Variants in SDK1 observed in about 807,000 individuals in gnomAD.
SDK1 encodes sidekick cell adhesion molecule 1.
Under a neutral mutation model 245.5 loss-of-function variants are expected in SDK1, and 157 were observed. That is an observed-to-expected ratio of 0.64 (90% CI 0.56 to 0.73). SDK1 has a LOEUF of 0.73. Ranked by LOEUF, SDK1 falls within the 30% of genes least tolerant of loss-of-function variation. SDK1 has a pLI of 0.00. For synonymous variants in SDK1, 1,647 were observed against 1,278.5 expected (o/e 1.29, Z -6.15); for missense variants, 3,583 against 3,002.3 (o/e 1.19, Z -4.52).
chr7:3,969,005 G>A (rs1257672861), intron 10 of SDK1, among the ~76,000 whole-genome samples: 1 of 152,126 alleles, frequency 6.6e-6, no homozygotes, highest in Non-Finnish European at 1.5e-5. Flanking sequence ...AGGGGGAAGT[G>A]CCAAACAGTT....
intron 25 of SDK1, among the ~76,000 whole-genome samples, chr7:4,116,465 A>C (rs1783717831): frequency 6.6e-6 from 1 of 152,118 alleles, no homozygotes; most frequent in African/African-American, 2.4e-5. Flanking sequence ...AGGGCCTGGG[A>C]AGCTCTGGAT....
Position 4,265,636 on chromosome 7 carries a change from A to G in SDK1, c.*252A>G. The G allele has an allele frequency of 3.9e-6, 5 of 1,293,534 alleles. No individual in the cohort carries two copies. Among genetic ancestry groups the G allele is most frequent in the Non-Finnish European group, 4.9e-6 (5 of 1,026,926 alleles). 80.1% of individuals were successfully genotyped at this position (1,293,534 alleles called of 1,614,324 possible). ...TTCTTTTTAAGAGAAGGTGTATTTCACTGGTGCAATGGCTTGGCACCTCCG... is the reference window on the plus strand; with the variant it reads ...TTCTTTTTAAGAGAAGGTGTATTTCGCTGGTGCAATGGCTTGGCACCTCCG... On this transcript the variant is annotated 3_prime_UTR_variant, in exon 45 of 45. Coordinates refer to ENST00000404826, the MANE Select transcript of SDK1 (RefSeq NM_152744.4).
rs537825197 is a variant in SDK1 at position 3,332,317 on chromosome 7, AG to A, written c.298+30436del. 2.7e-3 allele frequency among the ~76,000 whole-genome samples: 406 copies of A among 152,300 alleles called. 1 individual carries two copies. Among genetic ancestry groups the A allele is most frequent in the African/African-American group, 9.0e-3 (375 of 41,564 alleles). ...TAAAGTTGTGCAAATTAATCCTAGC[AG>A]GGCTCCATCCTTTAATGTCAGTGCC... On this transcript the variant is annotated intron_variant, in intron 1 of 44. Coordinates refer to ENST00000404826, the MANE Select transcript of SDK1 (RefSeq NM_152744.4).
intron 1 of SDK1, among the ~76,000 whole-genome samples, chr7:3,438,769 C>G (rs1180454600): frequency 6.6e-6 from 1 of 152,016 alleles, no homozygotes; most frequent in African/African-American, 2.4e-5. Flanking sequence ...AACAACTCAT[C>G]TGTCTTTATC....
intron 1 of SDK1, among the ~76,000 whole-genome samples, chr7:3,508,614 C>A (rs1326377043): frequency 6.6e-6 from 1 of 152,142 alleles, no homozygotes; most frequent in African/African-American, 2.4e-5. Context: ...AGGTGTGAGC[C>A]ACCCCGCCCA....
intron 2 of SDK1, among the ~76,000 whole-genome samples, chr7:3,636,159 A>G (rs947315579): frequency 1.5e-4 from 23 of 152,352 alleles, no homozygotes; most frequent in African/African-American, 5.3e-4. Flanking sequence ...TATATGTGGC[A>G]TAAATCTCTC....
At position 3,644,773 on chromosome 7, in the gene SDK1, C is replaced by CAAAAAAA. The variant is rs34276127; in HGVS notation, c.713+2681_713+2687dup. Among the ~76,000 whole-genome samples, 122 of 39,934 alleles carry CAAAAAAA rather than the reference C, an allele frequency of 3.1e-3. 8 individuals are homozygous for CAAAAAAA. Among genetic ancestry groups the CAAAAAAA allele is most frequent in the East Asian group, 0.017 (25 of 1,438 alleles). 26.2% of individuals were successfully genotyped at this position (39,934 alleles called of 152,430 possible). A position where few individuals can be genotyped will look rare whatever the true frequency, so the allele number is the denominator to read the frequency against. Reference sequence around the variant, plus strand: ...GGGTGACAGAGCAAGACCCTGTCTCCAAAAAAAAAAAAAAAAAAACAAAAA... The same window carrying CAAAAAAA: ...GGGTGACAGAGCAAGACCCTGTCTCCAAAAAAAAAAAAAAAAAAAAAAAAAACAAAAA... On this transcript the variant is annotated intron_variant, in intron 4 of 44. Coordinates refer to ENST00000404826, the MANE Select transcript of SDK1 (RefSeq NM_152744.4).
chr7:3,503,788 TAAATC>T (rs938030943), intron 1 of SDK1, among the ~76,000 whole-genome samples: 5 of 152,170 alleles, frequency 3.3e-5, no homozygotes, highest in African/African-American at 1.2e-4. Context: ...AAAATATTGT[TAAATC>T]GAAGATGTAA....
rs952884184 is a variant in SDK1 at position 3,969,881 on chromosome 7, G to A, written c.1714+457G>A. ...GGAGTGAACTGAAAGAAAATCTTCCGCTTTTGCTAAACAATTGTTAGGAAC... is the reference window on the plus strand; with the variant it reads ...GGAGTGAACTGAAAGAAAATCTTCCACTTTTGCTAAACAATTGTTAGGAAC... On this transcript the variant is annotated intron_variant, in intron 11 of 44. Coordinates refer to ENST00000404826, the MANE Select transcript of SDK1 (RefSeq NM_152744.4). 2.6e-5 allele frequency among the ~76,000 whole-genome samples: 4 copies of A among 152,062 alleles called. No individual in the cohort carries two copies. In the South Asian group the frequency reaches 6.2e-4, roughly 24 times the overall value.
intron 1 of SDK1, among the ~76,000 whole-genome samples, chr7:3,589,356 T>C (rs371862905): frequency 5.3e-5 from 8 of 152,230 alleles, no homozygotes; most frequent in African/African-American, 1.9e-4. Flanking sequence ...ACATCAGTAC[T>C]TATTTCACAG....
intron 5 of SDK1, among the ~76,000 whole-genome samples, chr7:3,914,218 G>A (rs1241333071): frequency 6.6e-6 from 1 of 152,136 alleles, no homozygotes; most frequent in Non-Finnish European, 1.5e-5. Context: ...GCTGCAATAT[G>A]CTTGTCTGCA....
intron 1 of SDK1, among the ~76,000 whole-genome samples, chr7:3,334,839 C>T (rs1780158183): frequency 1.3e-5 from 2 of 152,164 alleles, no homozygotes; most frequent in South Asian, 4.1e-4. Context: ...AGCTCATAGG[C>T]TTCTCACATC....
chr7:3,680,418 G>T (rs577206000), intron 4 of SDK1, among the ~76,000 whole-genome samples: 1 of 152,090 alleles, frequency 6.6e-6, no homozygotes, highest in African/African-American at 2.4e-5. Flanking sequence ...GTATAAATGC[G>T]CACGTGATAA....
rs906172718 is a variant in SDK1 at position 3,445,906 on chromosome 7, C to T, written c.298+144022C>T. 5.9e-5 allele frequency among the ~76,000 whole-genome samples: 9 copies of T among 151,418 alleles called. No individual in the cohort carries two copies. In the South Asian group the frequency reaches 1.5e-3, roughly 25 times the overall value. ...ATTCTCTTATCACTTTTGTTTTTTTCAACTTTCTTTACATATTCTTGAGGG... is the reference window on the plus strand; with the variant it reads ...ATTCTCTTATCACTTTTGTTTTTTTTAACTTTCTTTACATATTCTTGAGGG... On this transcript the variant is annotated intron_variant, in intron 1 of 44. Transcript: ENST00000404826.
chr7:3,671,763 A>G (rs1007780796), intron 4 of SDK1, among the ~76,000 whole-genome samples: 3 of 152,204 alleles, frequency 2.0e-5, no homozygotes, highest in African/African-American at 7.2e-5. Flanking sequence ...TGAGTTTTAT[A>G]ATGAGATTAA....
rs555875474 is a variant in SDK1, at chr7:3,567,729, C to G, written c.299-51351C>G. On this transcript the variant is annotated intron_variant, in intron 1 of 44. Transcript: ENST00000404826. ...GTTCTTTTTTGGTTCCTAATTGAGA[C>G]AGGCTAGAGGGCTGTGCCTTTGATG... Among the ~76,000 whole-genome samples, 4 of 152,302 alleles carry G rather than the reference C, an allele frequency of 2.6e-5. No homozygotes were observed. In the East Asian group the frequency reaches 7.7e-4, roughly 29 times the overall value.
intron 4 of SDK1, among the ~76,000 whole-genome samples, chr7:3,691,430 A>C (rs1036029732): frequency 6.6e-6 from 1 of 152,214 alleles, no homozygotes; most frequent in Non-Finnish European, 1.5e-5. Context: ...TTGAAGAAAC[A>C]ACTGGAGTCC....
intron 5 of SDK1, among the ~76,000 whole-genome samples, chr7:3,913,096 G>A (rs1779234858): frequency 6.6e-6 from 1 of 152,140 alleles, no homozygotes. Flanking sequence ...AGAAGGAGTT[G>A]CCTGAAGGAA....
At chr7:3,719,520 G>A (rs1785303050) in intron 4 of SDK1, among the ~76,000 whole-genome samples, 1 of 152,040 alleles carries the variant, frequency 6.6e-6, no homozygotes, top group Non-Finnish European at 1.5e-5. Context: ...TTTTGACAAA[G>A]GTGCAGAAGT....
Sources: gnomAD v4.1 joint callset for allele counts (sites outside exome capture counted in the v4.1 genomes callset) on GRCh38, gnomAD v4.1.1 for gene constraint, MANE v1.5 for transcripts, NCBI Gene and HGNC (gene_info 2026-07-23, HGNC 2026-07-21) for gene names.